Variants in ADGRG7 observed in about 807,000 individuals in gnomAD.
ADGRG7 encodes G-protein coupled receptor 128.
ADGRG7 carries 82 observed loss-of-function variants against 88.6 expected under a neutral mutation model. The ratio of observed to expected loss-of-function variants is 0.93; its 90% CI spans 0.77 to 1.11. ADGRG7 has a LOEUF of 1.11. Ranked by LOEUF, ADGRG7 falls within the 50% of genes most tolerant of loss-of-function variation. The pLI, the probability that ADGRG7 is intolerant of heterozygous loss-of-function variation, is 0.00. For missense variants in ADGRG7, 945 were observed against 953.4 expected (o/e 0.99, Z 0.12); for synonymous variants, 381 against 345.2 (o/e 1.10, Z -1.15).
At chr3:100,665,370 A>G in intron 14 of ADGRG7, 2 of 540,670 alleles carry the variant, frequency 3.7e-6, no homozygotes, top group South Asian at 2.8e-5. Context: ...TTTATCCTTC[A>G]ATCTTCATTA....
intron 15 of ADGRG7, among the ~76,000 whole-genome samples, chr3:100,671,796 C>G (rs1366053679): frequency 6.6e-6 from 1 of 152,118 alleles, no homozygotes; most frequent in South Asian, 2.1e-4. Flanking sequence ...TTCCCAGCAC[C>G]ATTTATTAAA....
At chr3:100,686,684 G>A (rs1190551511) in intron 15 of ADGRG7, among the ~76,000 whole-genome samples, 1 of 152,158 alleles carries the variant, frequency 6.6e-6, no homozygotes, top group Non-Finnish European at 1.5e-5. Context: ...TCAGATAGTT[G>A]TAGATATGTG....
chr3:100,659,236 T>C (rs932233474), intron 13 of ADGRG7, among the ~76,000 whole-genome samples: 25 of 150,856 alleles, frequency 1.7e-4, no homozygotes, highest in African/African-American at 6.1e-4. Context: ...ATCGAGACCA[T>C]CCTGGCTAAC....
intron 5 of ADGRG7, among the ~76,000 whole-genome samples, chr3:100,636,660 A>G (rs752840011): frequency 7.9e-5 from 12 of 152,308 alleles, no homozygotes; most frequent in Non-Finnish European, 1.8e-4. Flanking sequence ...AAAAAATTGA[A>G]ATATTTTTCC....
chr3:100,662,124 C>T (rs2094946318), intron 14 of ADGRG7, among the ~76,000 whole-genome samples: 1 of 152,136 alleles, frequency 6.6e-6, no homozygotes, highest in South Asian at 2.1e-4. Context: ...GTAGTTCAAA[C>T]ATTTTTTTAA....
chr3:100,675,505 G>C (rs1036453101), intron 15 of ADGRG7, among the ~76,000 whole-genome samples: 2 of 152,080 alleles, frequency 1.3e-5, no homozygotes, highest in African/African-American at 4.8e-5. Context: ...TTAGAATTTT[G>C]TTGAGGATTT....
chr3:100,685,635 T>C (rs1306920033), intron 15 of ADGRG7, among the ~76,000 whole-genome samples: 1 of 152,192 alleles, frequency 6.6e-6, no homozygotes, highest in African/African-American at 2.4e-5. Flanking sequence ...TTTGGTTTTT[T>C]GTCCTTGCGA....
chr3:100,683,617 C>T (rs2094977032), intron 15 of ADGRG7, among the ~76,000 whole-genome samples: 1 of 152,224 alleles, frequency 6.6e-6, no homozygotes, highest in African/African-American at 2.4e-5. Context: ...ACACCTGGCT[C>T]GTCCTTGGCA....
chr3:100,635,008 C>CAA (rs1553691389), intron 4 of ADGRG7, among the ~76,000 whole-genome samples: 2 of 151,478 alleles, frequency 1.3e-5, no homozygotes, highest in Non-Finnish European at 2.9e-5. Flanking sequence ...AAGACACACA[C>CAA]ACACACACAC....
chr3:100,632,873 A>G (rs1707476357), intron 3 of ADGRG7, among the ~76,000 whole-genome samples: 2 of 152,212 alleles, frequency 1.3e-5, no homozygotes, highest in South Asian at 4.1e-4. Context: ...TAAATATAAT[A>G]GAATATAACA....
chr3:100,642,362 T>C (rs954161248), intron 6 of ADGRG7, among the ~76,000 whole-genome samples: 1 of 152,266 alleles, frequency 6.6e-6, no homozygotes, highest in African/African-American at 2.4e-5. Flanking sequence ...CTAACCTGAA[T>C]GTTTCCATAC....
At chr3:100,659,603 G>C in intron 13 of ADGRG7, 85 bp from the exon 14 acceptor site, 1 of 1,153,840 alleles carries the variant, frequency 8.7e-7, no homozygotes, top group Non-Finnish European at 1.2e-6. Flanking sequence ...TTTCAGTTGA[G>C]TGAATGTCAA....
intron 15 of ADGRG7, among the ~76,000 whole-genome samples, chr3:100,686,436 A>C (rs1209115944): frequency 3.3e-5 from 5 of 152,234 alleles, no homozygotes; most frequent in Admixed American, 3.3e-4. Flanking sequence ...TGTTTTAGAC[A>C]TGAAGTCCTT....
chr3:100,673,458 TTTC>T (rs1317070167), intron 15 of ADGRG7, among the ~76,000 whole-genome samples: 3 of 135,044 alleles, frequency 2.2e-5, no homozygotes, highest in Non-Finnish European at 3.2e-5. Context: ...TCTTCTCTCT[TTTC>T]TTCTTCTTTT....
intron 1 of ADGRG7, among the ~76,000 whole-genome samples, chr3:100,629,012 G>A (rs1414318069): frequency 6.6e-6 from 1 of 152,068 alleles, no homozygotes; most frequent in Non-Finnish European, 1.5e-5. Flanking sequence ...ATGTCCTGAT[G>A]TTGTTCCACA....
chr3:100,659,135 A>T lies in ADGRG7; in HGVS notation c.1824-553A>T, dbSNP rs112498877. Reference sequence around the variant, plus strand: ...AAACTCTTTTTAAACATTAATATTTAAAAAATGCCCATCAAGGCTGGGTGC... The same window carrying T: ...AAACTCTTTTTAAACATTAATATTTTAAAAATGCCCATCAAGGCTGGGTGC... On this transcript the variant is annotated intron_variant, in intron 13 of 15. Coordinates refer to ENST00000273352, the MANE Select transcript of ADGRG7 (RefSeq NM_032787.3). 8.5e-3 allele frequency among the ~76,000 whole-genome samples: 1,297 copies of T among 152,262 alleles called. 13 individuals carry two copies. The highest frequency in any genetic ancestry group is 0.019 in the African/African-American group (776 of 41,540).
chr3:100,687,044 C>T (rs1392215787), intron 15 of ADGRG7, among the ~76,000 whole-genome samples: 8 of 152,152 alleles, frequency 5.3e-5, no homozygotes, highest in Non-Finnish European at 1.2e-4. Context: ...TTTGTATCCT[C>T]TTTTATTTCA....
intron 1 of ADGRG7, among the ~76,000 whole-genome samples, chr3:100,627,306 A>T (rs764139213): frequency 2.6e-5 from 4 of 152,188 alleles, no homozygotes; most frequent in African/African-American, 2.4e-5. Context: ...TCCTGCATTT[A>T]TTGAGATGAT....
chr3:100,631,319 A>G (rs761370107), intron 3 of ADGRG7, among the ~76,000 whole-genome samples: 6 of 152,178 alleles, frequency 3.9e-5, no homozygotes, highest in Non-Finnish European at 7.4e-5. Context: ...CCTTACTTGT[A>G]TAGAGGCATT....
Sources: gnomAD v4.1 joint callset for allele counts (sites outside exome capture counted in the v4.1 genomes callset) on GRCh38, gnomAD v4.1.1 for gene constraint, MANE v1.5 for transcripts, NCBI Gene and HGNC (gene_info 2026-07-23, HGNC 2026-07-21) for gene names.